Variants in ARHGAP36 observed in about 807,000 individuals in gnomAD.
The protein encoded by ARHGAP36 is Rho GTPase activating protein 36.
A neutral mutation model predicts 32.9 loss-of-function variants in ARHGAP36; 7 were observed. The ratio of observed to expected loss-of-function variants is 0.21; its 90% CI spans 0.12 to 0.40. The LOEUF is 0.40. ARHGAP36 is among the 10% of genes least tolerant of loss of function. ARHGAP36 has a pLI of 1.00. For missense variants in ARHGAP36, 383 were observed against 442.2 expected, an observed-to-expected ratio of 0.87 and a Z score of 1.20; for synonymous variants, 165 against 168.3, an observed-to-expected ratio of 0.98 and a Z score of 0.15.
chrX:131,064,792 A>G (rs1002668609), intron 1 of ARHGAP36, among the ~76,000 whole-genome samples: 3 of 111,206 alleles, frequency 2.7e-5, no homozygotes, highest in Admixed American at 9.5e-5. Flanking sequence ...CTTTACTCTC[A>G]TGGGGAAACC....
chrX:131,086,423 T>A lies in ARHGAP36; in HGVS notation c.1376T>A (p.Ile459Asn). ...DFIRRRNLRK[I>N]QSARIKMEED... ...ATCAGACGCAGGAACTTGAGGAAGATCCAGTGAGTGTTTTTTGGGTTTGTT... is the reference window on the plus strand; with the variant it reads ...ATCAGACGCAGGAACTTGAGGAAGAACCAGTGAGTGTTTTTTGGGTTTGTT... The change falls in exon 10 of 12, where the codon ATC becomes AAC. Residue 459 changes from isoleucine (I) to asparagine (N), a missense_variant. By Grantham distance (149) the Ile-to-Asn change is moderately radical (BLOSUM62 -3). Around this residue, in one of 2 missense-constraint regions of ARHGAP36, gnomAD observed 227 missense variants for 311.3 expected, o/e 0.73. Coordinates refer to ENST00000276211, the MANE Select transcript of ARHGAP36 (RefSeq NM_144967.4). 8.3e-7 allele frequency: 1 copy of A among 1,211,610 alleles called. No homozygotes were observed. Among genetic ancestry groups the A allele is most frequent in the African/African-American group, 1.7e-5 (1 of 57,785 alleles).
chrX:131,066,357 A>G (rs1031915244), intron 1 of ARHGAP36, among the ~76,000 whole-genome samples: 1 of 111,300 alleles, frequency 9.0e-6, no homozygotes, highest in Non-Finnish European at 1.9e-5. Flanking sequence ...CTTCACCTCC[A>G]TTTCCCTCCA....
chrX:131,072,727 A>T (rs1475757448), intron 1 of ARHGAP36, among the ~76,000 whole-genome samples: 1 of 111,739 alleles, frequency 8.9e-6, no homozygotes, highest in Admixed American at 9.4e-5. Context: ...TGCTTTGAAT[A>T]GGGGAGAGAA....
chrX:131,081,449 A>C, intron 1 of ARHGAP36, 75 bp from the exon 2 acceptor site: 1 of 785,970 alleles, frequency 1.3e-6, no homozygotes, highest in Non-Finnish European at 1.6e-6. Flanking sequence ...TTTTTTTTCT[A>C]ATTAGGTTTT....
intron 11 of ARHGAP36, among the ~76,000 whole-genome samples, chrX:131,087,312 C>T (rs1484357773): frequency 4.5e-5 from 5 of 111,033 alleles, no homozygotes; most frequent in Non-Finnish European, 9.4e-5. Context: ...ATGATGAAGC[C>T]TCAAATACTG....
intron 1 of ARHGAP36, among the ~76,000 whole-genome samples, chrX:131,079,893 A>G (rs1384682551): frequency 8.9e-6 from 1 of 111,892 alleles, no homozygotes; most frequent in Admixed American, 9.5e-5. Flanking sequence ...GATGTTCCCT[A>G]AGCCCTGTCA....
Position 131,088,954 on chromosome X carries a change from C to T in ARHGAP36, c.*169C>T. 3.0e-6 allele frequency: 2 copies of T among 676,250 alleles called. No individual in the cohort carries two copies. The highest frequency in any genetic ancestry group is 4.2e-6 in the Non-Finnish European group (2 of 479,727). 55.7% of individuals were successfully genotyped at this position (676,250 alleles called of 1,213,427 possible). A position where few individuals can be genotyped will look rare whatever the true frequency, so the allele number is the denominator to read the frequency against. ...ATTCCAAACACACTGCCAGCCCCTT[C>T]ACTGGGGATGCTTGGTCTCTTCTGC... On this transcript the variant is annotated 3_prime_UTR_variant, in exon 12 of 12. Coordinates refer to ENST00000276211, the MANE Select transcript of ARHGAP36 (RefSeq NM_144967.4).
intron 11 of ARHGAP36, 37 bp from the exon 12 acceptor site, chrX:131,088,591 A>G (rs1347141611): frequency 8.4e-7 from 1 of 1,194,222 alleles, no homozygotes. Context: ...TATAAAGTCT[A>G]GAAACATAAG....
chrX:131,086,800 CTAGTATTTGAATA>C, intron 11 of ARHGAP36, 135 bp downstream of exon 11: 2 of 484,020 alleles, frequency 4.1e-6, no homozygotes, highest in East Asian at 3.7e-5. Flanking sequence ...AGATGAAGAG[CTAGTATTTGAATA>C]TCTTAATCAA....
intron 11 of ARHGAP36, among the ~76,000 whole-genome samples, chrX:131,087,764 G>A (rs2079842880): frequency 8.9e-6 from 1 of 111,745 alleles, no homozygotes; most frequent in Non-Finnish European, 1.9e-5. Flanking sequence ...AGAAATTCCG[G>A]GACGTGAAGA....
intron 1 of ARHGAP36, among the ~76,000 whole-genome samples, chrX:131,067,034 G>T (rs12832975): frequency 0.081 from 9,120 of 112,057 alleles, 642 homozygotes; most frequent in African/African-American, 0.23. Flanking sequence ...TATGATCATG[G>T]CATGAGAAGT....
chrX:131,064,898 G>T (rs1338411019), intron 1 of ARHGAP36, among the ~76,000 whole-genome samples: 2 of 111,919 alleles, frequency 1.8e-5, no homozygotes, highest in Non-Finnish European at 3.8e-5. Context: ...GTTTATATTG[G>T]ACAGTAATGG....
In ARHGAP36 at chrX:131,069,297, C is replaced by CT. The variant is rs1318866930; in HGVS notation, c.-143+10854dup. On this transcript the variant is annotated intron_variant, in intron 1 of 11. Transcript: ENST00000276211. ...GACAGCAAGGGAAAGGGAGATGGACCTCCCCCTCCGACTACCCCGTGGCGC... is the reference window on the plus strand; with the variant it reads ...GACAGCAAGGGAAAGGGAGATGGACCTTCCCCCTCCGACTACCCCGTGGCGC... Among the ~76,000 whole-genome samples, 7 of 111,597 alleles carry CT rather than the reference C, an allele frequency of 6.3e-5. No individual in the cohort carries two copies. In the Admixed American group the frequency reaches 6.6e-4, roughly 11 times the overall value.
chrX:131,086,831 T>C (rs1603395342), intron 11 of ARHGAP36, among the ~76,000 whole-genome samples, 166 bp downstream of exon 11: 1 of 111,839 alleles, frequency 8.9e-6, no homozygotes, highest in East Asian at 2.8e-4. Context: ...CAAGGAGTAG[T>C]CTTTGGGGAA....
intron 1 of ARHGAP36, among the ~76,000 whole-genome samples, chrX:131,061,825 C>T (rs919043941): frequency 8.9e-6 from 1 of 112,208 alleles, no homozygotes; most frequent in Non-Finnish European, 1.9e-5. Flanking sequence ...GAGCTTAGCC[C>T]ATACCTTACC....
intron 1 of ARHGAP36, among the ~76,000 whole-genome samples, chrX:131,063,499 A>C (rs1289079644): frequency 9.0e-6 from 1 of 111,496 alleles, no homozygotes; most frequent in Non-Finnish European, 1.9e-5. Context: ...CGAAATTCTT[A>C]AATCCTCAGA....
At chrX:131,066,783 T>G (rs908439740) in intron 1 of ARHGAP36, among the ~76,000 whole-genome samples, 1 of 111,647 alleles carries the variant, frequency 9.0e-6, no homozygotes, top group Non-Finnish European at 1.9e-5. Context: ...ACTTAACTAC[T>G]CTGAGCCTGA....
At chrX:131,084,486 G>A (rs1053193817) in intron 5 of ARHGAP36, 79 bp downstream of exon 5, 16 of 1,140,794 alleles carry the variant, frequency 1.4e-5, no homozygotes, top group African/African-American at 1.8e-5. Flanking sequence ...GGGGAGAAAA[G>A]AGGCCGAGGA....
Position 131,081,723 on chromosome X carries a change from C to G in ARHGAP36, c.58C>G (p.Pro20Ala). 14 of 1,211,690 alleles carry G rather than the reference C, an allele frequency of 1.2e-5. No individual in the cohort carries two copies. The highest frequency in any genetic ancestry group is 1.6e-5 in the Non-Finnish European group (14 of 895,476). Residue 20 changes from proline (P) to alanine (A), a missense_variant, in exon 2 of 12, where the codon CCC becomes GCC. Pro to Ala is a conservative substitution (Grantham distance 27). Coordinates refer to ENST00000276211, the MANE Select transcript of ARHGAP36 (RefSeq NM_144967.4). The part of the protein sequence containing the change: ...AARALCPRIM[P>A]PLLLLSAFIF... ...AAGGGCACTGTGCCCCAGAATCATG[C>G]CCCCTTTGCTGTTGTTGTCCGCCTT...
Sources: allele counts gnomAD v4.1 joint callset (sites outside exome capture counted in the v4.1 genomes callset), GRCh38; gene constraint gnomAD v4.1.1; regional missense constraint gnomAD v4.1.1; transcripts MANE v1.5; gene names NCBI Gene and HGNC (gene_info 2026-07-23, HGNC 2026-07-21).